The following VWA8 variants were observed in gnomAD, a reference collection of about 807,000 sequenced individuals.
VWA8 encodes von Willebrand factor A domain containing 8, also known as von Willebrand factor A domain-containing protein 8.
In VWA8, 221 loss-of-function variants were observed where a neutral mutation model predicts 241.5. The observed-to-expected ratio is 0.91, with a 90% CI of 0.82 to 1.02. The LOEUF (loss-of-function observed/expected upper bound fraction) is 1.02. Ranked by LOEUF, VWA8 falls within the 50% of genes least tolerant of loss-of-function variation. The pLI, the probability that VWA8 is intolerant of heterozygous loss-of-function variation, is 0.00. For synonymous variants in VWA8, 852 were observed against 827.1 expected (o/e 1.03, Z -0.52); for missense variants, 2,322 against 2,328.7 (o/e 1.00, Z 0.06).
At chr13:41,904,839 AAAG>A (rs67222282) in intron 4 of VWA8, among the ~76,000 whole-genome samples, 39,136 of 151,858 alleles carry the variant, frequency 0.26, 5,550 homozygotes, top group Non-Finnish European at 0.31. Flanking sequence ...AACAGCTTGC[AAAG>A]AAGTTCAGTG....
chr13:41,889,812 G>T (rs1000713627), intron 5 of VWA8, among the ~76,000 whole-genome samples: 5 of 152,084 alleles, frequency 3.3e-5, no homozygotes, highest in African/African-American at 1.2e-4. Flanking sequence ...TAAAAAAAAT[G>T]ATTCCATATT....
At chr13:41,914,247 C>A (rs996589845) in intron 2 of VWA8, among the ~76,000 whole-genome samples, 5 of 152,232 alleles carry the variant, frequency 3.3e-5, no homozygotes, top group African/African-American at 1.2e-4. Context: ...ATTCAAGTTT[C>A]TTGGGGTTAG....
At position 41,566,990 on chromosome 13, in the gene VWA8, ATAT is replaced by A. The variant is rs1279788035; in HGVS notation, c.*1204_*1206del. The A allele has an allele frequency of 6.6e-6, 1 of 152,144 alleles. No individual in the cohort carries two copies. The highest frequency in any genetic ancestry group is 1.9e-4 in the East Asian group (1 of 5,206). 9.4% of individuals were successfully genotyped at this position (152,144 alleles called of 1,614,324 possible). A position where few individuals can be genotyped will look rare whatever the true frequency, so the allele number is the denominator to read the frequency against. On this transcript the variant is annotated 3_prime_UTR_variant, in exon 45 of 45. Coordinates refer to ENST00000379310, the MANE Select transcript of VWA8 (RefSeq NM_015058.2). ...TCAATAGATATGGATGGATAGGATA[ATAT>A]TATTAATAATAGTTTTTCCAACTTA...
At chr13:41,868,258 C>T in intron 10 of VWA8, 88 bp downstream of exon 10, 1 of 1,459,588 alleles carries the variant, frequency 6.9e-7, no homozygotes. Context: ...AGAGAGAAGA[C>T]TTACAAGGAG....
At chr13:41,758,429 T>C (rs9562348) in intron 21 of VWA8, among the ~76,000 whole-genome samples, 26,440 of 99,736 alleles carry the variant, frequency 0.27, 5,472 homozygotes, top group Non-Finnish European at 0.38. Context: ...TATATATATA[T>C]ACGCTAGTAT....
In VWA8 at chr13:41,670,964, T is replaced by C. The variant is rs759122244; in HGVS notation, c.4593A>G (p.Gln1531=). 1.7e-5 allele frequency: 28 copies of C among 1,613,850 alleles called. No individual in the cohort carries two copies. The highest frequency in any genetic ancestry group is 3.3e-4 in the Middle Eastern group (2 of 6,038). Residue 1531 remains glutamine (Q), a synonymous_variant, in exon 37 of 45, where the codon CAA becomes CAG. Transcript: ENST00000379310. ...SLMEWRNMIG[Q]DDRNMQITIN... Reference sequence around the variant, plus strand: ...ATGGTACCTGCATATTTCTGTCATCTTGTCCAATCATGTTTCTCCATTCCA... The same window carrying C: ...ATGGTACCTGCATATTTCTGTCATCCTGTCCAATCATGTTTCTCCATTCCA...
chr13:41,856,578 T>C (rs1042894815), intron 12 of VWA8, among the ~76,000 whole-genome samples: 1 of 152,158 alleles, frequency 6.6e-6, no homozygotes, highest in African/African-American at 2.4e-5. Flanking sequence ...CCGAACACTT[T>C]GGGAGACCAA....
At chr13:41,775,061 CAG>C (rs1868527310) in intron 20 of VWA8, among the ~76,000 whole-genome samples, 1 of 152,086 alleles carries the variant, frequency 6.6e-6, no homozygotes, top group African/African-American at 2.4e-5. Context: ...GTTTGGGAAA[CAG>C]AGTATTTAAT....
At chr13:41,922,812 T>G (rs888258501) in intron 2 of VWA8, among the ~76,000 whole-genome samples, 2 of 152,138 alleles carry the variant, frequency 1.3e-5, no homozygotes, top group Admixed American at 1.3e-4. Context: ...TGTGGAGAAA[T>G]AGGAATACTT....
chr13:41,573,679 G>A (rs1013774269), intron 43 of VWA8, among the ~76,000 whole-genome samples: 4 of 149,928 alleles, frequency 2.7e-5, no homozygotes, highest in South Asian at 4.2e-4. Flanking sequence ...CCTCAGTGGC[G>A]TGATCTTGGT....
chr13:41,814,654 T>C (rs1208753778), intron 16 of VWA8, among the ~76,000 whole-genome samples: 1 of 152,114 alleles, frequency 6.6e-6, no homozygotes, highest in Non-Finnish European at 1.5e-5. Flanking sequence ...ACTTAGGAAA[T>C]GGATTTGGGA....
intron 37 of VWA8, among the ~76,000 whole-genome samples, chr13:41,622,807 G>A (rs7981912): frequency 0.13 from 20,134 of 152,140 alleles, 1,933 homozygotes; most frequent in African/African-American, 0.27. Flanking sequence ...ACTTTTAAAA[G>A]CCATCAATAA....
chr13:41,810,020 G>C (rs1870393124), intron 17 of VWA8, among the ~76,000 whole-genome samples: 1 of 152,118 alleles, frequency 6.6e-6, no homozygotes, highest in Admixed American at 6.5e-5. Context: ...CTGATGACTA[G>C]AGAAATGCAA....
At position 41,574,352 on chromosome 13, in the gene VWA8, A is replaced by C. The variant is rs188289122; in HGVS notation, c.5370+1388T>G. ...GCTGCACACACACAAAACCCTAGGAATATACTTAACCAAGGAGGTGAAAGA... is the reference window on the plus strand; with the variant it reads ...GCTGCACACACACAAAACCCTAGGACTATACTTAACCAAGGAGGTGAAAGA... On this transcript the variant is annotated intron_variant, in intron 43 of 44. Transcript: ENST00000379310. Among the ~76,000 whole-genome samples, 4 of 152,302 alleles carry C rather than the reference A, an allele frequency of 2.6e-5. No homozygotes were observed. The East Asian group carries it at 7.7e-4, about 29-fold the overall frequency.
intron 12 of VWA8, among the ~76,000 whole-genome samples, chr13:41,857,877 T>C (rs1872821293): frequency 6.6e-6 from 1 of 152,192 alleles, no homozygotes; most frequent in Admixed American, 6.5e-5. Flanking sequence ...ACTGGTAGAT[T>C]GAGTAAAGCA....
intron 35 of VWA8, among the ~76,000 whole-genome samples, chr13:41,677,674 A>T (rs1176192823): frequency 2.0e-5 from 3 of 151,840 alleles, no homozygotes; most frequent in Non-Finnish European, 4.4e-5. Flanking sequence ...AAGTTCTCTT[A>T]AAAAAAACTC....
intron 31 of VWA8, 75 bp from the exon 32 acceptor site, chr13:41,691,520 T>C: frequency 6.6e-7 from 1 of 1,515,234 alleles, no homozygotes; most frequent in Non-Finnish European, 8.9e-7. Flanking sequence ...AATCATTTCA[T>C]GATACATTAT....
rs777176250 is a variant in VWA8 at position 41,719,689 on chromosome 13, A to G, written c.3018T>C (p.Asp1006=). 2.3e-5 allele frequency: 37 copies of G among 1,613,122 alleles called. No individual in the cohort carries two copies. Among genetic ancestry groups the G allele is most frequent in the Non-Finnish European group, 2.1e-5 (25 of 1,179,494 alleles). The change falls in exon 26 of 45, where the codon GAT becomes GAC. Residue 1006 remains aspartate (D), a synonymous_variant. Transcript: ENST00000379310. ...TCTCCCTCATGTCATTGTTGTAGGA[A>G]TCAAAGTCAAACACATTTCGAACTA... is the stretch of plus-strand genomic sequence containing the variant. ...SSVVRNVFDF[D]SYNNDMREIL...
chr13:41,882,420 G>A (rs545753356), intron 9 of VWA8, among the ~76,000 whole-genome samples: 25 of 152,292 alleles, frequency 1.6e-4, no homozygotes, highest in South Asian at 4.1e-4. Context: ...GGCAGAGGCT[G>A]CAATCTCGGC....
Sources: gnomAD v4.1 joint callset for allele counts (sites outside exome capture counted in the v4.1 genomes callset) on GRCh38, gnomAD v4.1.1 for gene constraint, MANE v1.5 for transcripts, NCBI Gene and HGNC (gene_info 2026-07-23, HGNC 2026-07-21) for gene names.